NTN1: variants seen among roughly 807,000 people sequenced by gnomAD.
The protein encoded by NTN1 is netrin-1.
A neutral mutation model predicts 54.2 loss-of-function variants in NTN1; 11 were observed. The ratio of observed to expected loss-of-function variants is 0.20; its 90% CI spans 0.13 to 0.34. The LOEUF (loss-of-function observed/expected upper bound fraction) is 0.34, where lower values mean the gene tolerates loss of function less well. Ranked by LOEUF, NTN1 falls within the 10% of genes least tolerant of loss-of-function variation. The pLI is 1.00. For missense variants in NTN1, 740 were observed against 893.1 expected (o/e 0.83, Z 2.18); for synonymous variants, 371 against 382.0 (o/e 0.97, Z 0.33).
At chr17:9,110,143 C>T (rs754336409) in intron 2 of NTN1, among the ~76,000 whole-genome samples, 1 of 152,112 alleles carries the variant, frequency 6.6e-6, no homozygotes, top group African/African-American at 2.4e-5. Flanking sequence ...ATGATGCTTC[C>T]CCACCAGGTG....
At chr17:9,064,015 T>C (rs2092007139) in intron 2 of NTN1, among the ~76,000 whole-genome samples, 1 of 152,214 alleles carries the variant, frequency 6.6e-6, no homozygotes, top group Non-Finnish European at 1.5e-5. Flanking sequence ...CTAACTGTAA[T>C]GGTCCCTTTT....
chr17:9,062,888 T>A (rs1252701427), intron 2 of NTN1, among the ~76,000 whole-genome samples: 3 of 149,788 alleles, frequency 2.0e-5, no homozygotes, highest in Non-Finnish European at 4.4e-5. Flanking sequence ...TAAAAAAAAA[T>A]AATAATAATA....
intron 5 of NTN1, among the ~76,000 whole-genome samples, chr17:9,207,983 C>T (rs548836261): frequency 2.4e-4 from 36 of 152,274 alleles, no homozygotes; most frequent in South Asian, 1.7e-3. Context: ...CCTGTAATCC[C>T]GGCACTTTGG....
At chr17:9,015,139 G>T in the NTN1 span, among the ~76,000 whole-genome samples, 1 of 152,212 alleles carries the variant, frequency 6.6e-6, no homozygotes, top group Non-Finnish European at 1.5e-5. Context: ...AGCCAGGCAC[G>T]GTGGCTCATG....
At chr17:9,178,489 TC>T (rs2092407957) in intron 3 of NTN1, among the ~76,000 whole-genome samples, 1 of 152,128 alleles carries the variant, frequency 6.6e-6, no homozygotes, top group South Asian at 2.1e-4. Context: ...CATTGGCCAC[TC>T]CTGGGCCCGA....
chr17:9,022,373 C>T lies in NTN1; in HGVS notation c.-1C>T. On this transcript the variant is annotated 5_prime_UTR_variant, in exon 2 of 7. Transcript: ENST00000173229. The stretch of plus-strand genomic sequence containing the variant: ...CAGGGCCGGGGCAAGCTGGACGCAG[C>T]ATGATGCGCGCAGTGTGGGAGGCGC... 1 of 1,308,600 alleles carries T rather than the reference C, an allele frequency of 7.6e-7. No individual in the cohort carries two copies. The highest frequency in any genetic ancestry group is 2.4e-5 in the South Asian group (1 of 41,188). The allele number at this position is 1,308,600 out of a possible 1,614,324, so 81.1% of individuals were successfully genotyped here.
chr17:9,034,316 A>G (rs576656047), intron 2 of NTN1, among the ~76,000 whole-genome samples: 2 of 152,130 alleles, frequency 1.3e-5, no homozygotes, highest in East Asian at 3.9e-4. Context: ...ATCAGCACAC[A>G]TTTCTATAGC....
At chr17:9,027,208 C>G (rs2091874185) in intron 2 of NTN1, among the ~76,000 whole-genome samples, 1 of 152,116 alleles carries the variant, frequency 6.6e-6, no homozygotes, top group Non-Finnish European at 1.5e-5. Context: ...TGGCACATAG[C>G]TATAGATGAG....
intron 2 of NTN1, among the ~76,000 whole-genome samples, chr17:9,025,230 G>A (rs1024712887): frequency 6.6e-6 from 1 of 152,214 alleles, no homozygotes; most frequent in Non-Finnish European, 1.5e-5. Context: ...AGGTCTTGCC[G>A]TCAGTTTGGA....
intron 6 of NTN1, among the ~76,000 whole-genome samples, chr17:9,231,642 C>T (rs931804072): frequency 1.0e-4 from 15 of 149,986 alleles, no homozygotes; most frequent in African/African-American, 3.4e-4. Context: ...CAAAGGGGCT[C>T]GCTGGAGGTG....
intron 2 of NTN1, among the ~76,000 whole-genome samples, chr17:9,098,232 C>T (rs918191724): frequency 2.6e-5 from 4 of 152,172 alleles, no homozygotes; most frequent in African/African-American, 7.2e-5. Context: ...GACCCTGATG[C>T]GCCATATTTG....
chr17:9,233,323 C>T (rs568690884), intron 6 of NTN1, among the ~76,000 whole-genome samples: 4 of 152,214 alleles, frequency 2.6e-5, no homozygotes, highest in South Asian at 4.1e-4. Flanking sequence ...GGGCCTTTCC[C>T]GCCCTGTGTC....
intron 6 of NTN1, among the ~76,000 whole-genome samples, chr17:9,226,582 G>T (rs1349335983): frequency 1.3e-5 from 2 of 152,018 alleles, no homozygotes; most frequent in East Asian, 3.9e-4. Context: ...CTCTCCTGGG[G>T]CACTCAGTCC....
chr17:9,135,933 T>C lies in NTN1; in HGVS notation c.1019-26880T>C, dbSNP rs562916764. ...AACACTGCCACCCCAAACGTGTCTG[T>C]GTGCGCACGCTCACTCATACATGTG... On this transcript the variant is annotated intron_variant, in intron 2 of 6. Coordinates refer to ENST00000173229, the MANE Select transcript of NTN1 (RefSeq NM_004822.3). This position sits in a 1 kb window ranked among gnomAD's most constrained non-coding sequence, Gnocchi z 4.4. Among the ~76,000 whole-genome samples, 89 of 152,320 alleles carry C rather than the reference T, an allele frequency of 5.8e-4. 1 individual carries two copies. The highest frequency in any genetic ancestry group is 2.0e-3 in the African/African-American group (85 of 41,572).
At chr17:9,097,326 TA>T (rs576274730) in intron 2 of NTN1, among the ~76,000 whole-genome samples, 2 of 152,174 alleles carry the variant, frequency 1.3e-5, no homozygotes, top group Admixed American at 6.5e-5. Context: ...CTATTTATGT[TA>T]AAAAATATGA....
At chr17:9,113,019 A>T (rs1385575377) in intron 2 of NTN1, among the ~76,000 whole-genome samples, 1 of 141,938 alleles carries the variant, frequency 7.0e-6, no homozygotes, top group Non-Finnish European at 1.5e-5. Flanking sequence ...TGTATACAGA[A>T]TTTTTTTTAT....
chr17:9,174,117 A>G (rs1029841733), intron 3 of NTN1: 4 of 152,284 alleles, frequency 2.6e-5, no homozygotes, highest in African/African-American at 9.7e-5. Flanking sequence ...CAGCCCTCAG[A>G]TGGTCTGTGA....
At chr17:9,108,239 G>A (rs7216186) in intron 2 of NTN1, among the ~76,000 whole-genome samples, 109,491 of 151,648 alleles carry the variant, frequency 0.72, 39,759 homozygotes, top group East Asian at 0.95. Context: ...CTGCTCCCCA[G>A]ACAGATCACC....
chr17:9,142,565 G>C (rs1390815062), intron 2 of NTN1, among the ~76,000 whole-genome samples: 1 of 152,074 alleles, frequency 6.6e-6, no homozygotes, highest in Non-Finnish European at 1.5e-5. Flanking sequence ...ATGATGGGAG[G>C]GGGGTGGAGG....
Sources: allele counts gnomAD v4.1 joint callset (sites outside exome capture counted in the v4.1 genomes callset), GRCh38; gene constraint gnomAD v4.1.1; non-coding constraint Gnocchi (gnomAD v3.1); transcripts MANE v1.5; gene names NCBI Gene and HGNC (gene_info 2026-07-23, HGNC 2026-07-21).